The following MAD1L1 variants were observed in gnomAD, a reference collection of about 807,000 sequenced individuals.
The protein encoded by MAD1L1 is mitotic arrest deficient 1 like 1, also known as mitotic spindle assembly checkpoint protein MAD1.
Under a neutral mutation model 96.9 loss-of-function variants are expected in MAD1L1, and 95 were observed. The ratio of observed to expected loss-of-function variants is 0.98; its 90% CI spans 0.83 to 1.16. The LOEUF is 1.16. MAD1L1 is among the 50% of genes most tolerant of loss of function. The pLI is 0.00. For missense variants in MAD1L1, 1,007 were observed against 954.4 expected, an observed-to-expected ratio of 1.06 and a Z score of -0.73; for synonymous variants, 473 against 396.6, an observed-to-expected ratio of 1.19 and a Z score of -2.29.
chr7:2,171,990 A>G (rs1196546245), intron 10 of MAD1L1, among the ~76,000 whole-genome samples: 1 of 152,082 alleles, frequency 6.6e-6, no homozygotes, highest in Admixed American at 6.5e-5. Flanking sequence ...AGCACACGGC[A>G]ATGCAACACT....
chr7:1,846,567 C>T (rs1263844731), intron 18 of MAD1L1: 5 of 154,584 alleles, frequency 3.2e-5, no homozygotes, highest in Admixed American at 6.3e-5. Flanking sequence ...GGTTACTGCC[C>T]GGCCCTGGGA....
intron 11 of MAD1L1, among the ~76,000 whole-genome samples, chr7:2,145,912 G>T (rs995406861): frequency 8.5e-5 from 13 of 152,216 alleles, no homozygotes; most frequent in African/African-American, 2.9e-4. Context: ...CTGGCTTCAC[G>T]GACGTGGACA....
chr7:1,867,655 G>T (rs1230744359), intron 18 of MAD1L1, among the ~76,000 whole-genome samples: 1 of 152,208 alleles, frequency 6.6e-6, no homozygotes, highest in African/African-American at 2.4e-5. Flanking sequence ...CTGCGCCTGA[G>T]GCCTCCTGCA....
chr7:2,191,386 T>C (rs1352949576), intron 10 of MAD1L1, among the ~76,000 whole-genome samples: 1 of 152,214 alleles, frequency 6.6e-6, no homozygotes, highest in Admixed American at 6.5e-5. Flanking sequence ...AAATTTCTTG[T>C]TTATTTCACC....
rs138094350 is a variant in MAD1L1 at position 2,034,152 on chromosome 7, G to C, written c.1219-19510C>G. Among the ~76,000 whole-genome samples, 8 of 151,716 alleles carry C rather than the reference G, an allele frequency of 5.3e-5. No individual in the cohort carries two copies. In the South Asian group the frequency reaches 1.5e-3, roughly 28 times the overall value. Reference sequence around the variant, plus strand: ...ATATGGGGAAAGCACTGAGTCCAAGGATGTTGCACACATTAGCAATAATCA... The same window carrying C: ...ATATGGGGAAAGCACTGAGTCCAAGCATGTTGCACACATTAGCAATAATCA... On this transcript the variant is annotated intron_variant, in intron 12 of 18. Coordinates refer to ENST00000265854, the MANE Select transcript of MAD1L1 (RefSeq NM_001013836.2).
intron 17 of MAD1L1, among the ~76,000 whole-genome samples, chr7:1,900,115 C>T (rs1009371342): frequency 2.6e-5 from 4 of 152,186 alleles, no homozygotes; most frequent in African/African-American, 9.6e-5. Context: ...TGAGCTCAGT[C>T]GAGCAGCCCG....
At chr7:2,033,834 G>T (rs908128124) in intron 12 of MAD1L1, among the ~76,000 whole-genome samples, 2 of 152,230 alleles carry the variant, frequency 1.3e-5, no homozygotes, top group Admixed American at 6.5e-5. Context: ...TCAGACTGCG[G>T]TGGCTCACAC....
intron 11 of MAD1L1, among the ~76,000 whole-genome samples, chr7:2,127,777 T>C (rs1214517485): frequency 6.6e-6 from 1 of 152,052 alleles, no homozygotes; most frequent in East Asian, 1.9e-4. Context: ...CAGCCGGCAC[T>C]GTGGGCGTCA....
rs545776022 is a variant in MAD1L1 at position 2,009,128 on chromosome 7, G to A, written c.1359+5374C>T. 4.3e-4 allele frequency among the ~76,000 whole-genome samples: 66 copies of A among 152,318 alleles called. 1 individual carries two copies. Among genetic ancestry groups the A allele is most frequent in the African/African-American group, 1.6e-3 (66 of 41,570 alleles). On this transcript the variant is annotated intron_variant, in intron 13 of 18. Transcript: ENST00000265854. ...TTCCGGGTGGGACCACGTGTCCCGG[G>A]TGGCTACGTGTGCTGAGACACGAGC...
chr7:2,060,215 T>G (rs28626060), intron 12 of MAD1L1, among the ~76,000 whole-genome samples: 1 of 55,722 alleles, frequency 1.8e-5, no homozygotes, highest in African/African-American at 6.0e-5. Flanking sequence ...AGATGCCAAG[T>G]TACGCCGATG....
At chr7:1,945,478 C>T (rs552543105) in intron 16 of MAD1L1, among the ~76,000 whole-genome samples, 1 of 152,322 alleles carries the variant, frequency 6.6e-6, no homozygotes, top group African/African-American at 2.4e-5. Context: ...GGCTTGGAAC[C>T]CTTCTCCAAG....
At chr7:2,001,256 G>A (rs1357635479) in intron 14 of MAD1L1, among the ~76,000 whole-genome samples, 4 of 152,280 alleles carry the variant, frequency 2.6e-5, no homozygotes, top group African/African-American at 4.8e-5. Flanking sequence ...CCAGCCTGAC[G>A]CATGGCCCAG....
At chr7:2,153,122 C>T (rs903313372) in intron 10 of MAD1L1, among the ~76,000 whole-genome samples, 22 of 152,216 alleles carry the variant, frequency 1.4e-4, no homozygotes, top group African/African-American at 5.3e-4. Flanking sequence ...GGACATTGGT[C>T]TAGGCAAAGA....
intron 10 of MAD1L1, among the ~76,000 whole-genome samples, chr7:2,203,864 C>T (rs1415490906): frequency 6.6e-6 from 1 of 152,218 alleles, no homozygotes. Context: ...TGCTGCCCAC[C>T]TCCGGGGCAA....
At chr7:1,885,845 C>T (rs564611250) in intron 18 of MAD1L1, among the ~76,000 whole-genome samples, 15 of 152,350 alleles carry the variant, frequency 9.8e-5, no homozygotes, top group Non-Finnish European at 2.1e-4. Flanking sequence ...GGGCCCACTC[C>T]TCAGGAAAGG....
chr7:2,147,826 C>A (rs1011521309), intron 11 of MAD1L1, among the ~76,000 whole-genome samples: 1 of 152,236 alleles, frequency 6.6e-6, no homozygotes. Context: ...CATGCAGATG[C>A]GAATGTTCCC....
intron 18 of MAD1L1, among the ~76,000 whole-genome samples, chr7:1,894,527 G>T (rs780368342): frequency 2.6e-5 from 4 of 152,194 alleles, no homozygotes; most frequent in East Asian, 3.8e-4. Context: ...TGCAGCCTCC[G>T]AAGTGAGCCA....
At chr7:1,916,510 A>T (rs1459619164) in intron 17 of MAD1L1, among the ~76,000 whole-genome samples, 4 of 152,074 alleles carry the variant, frequency 2.6e-5, no homozygotes, top group Non-Finnish European at 5.9e-5. Flanking sequence ...AGCAAGTCAC[A>T]CGCCAGAGCA....
At chr7:2,216,654 C>T (rs143419848) in intron 7 of MAD1L1, among the ~76,000 whole-genome samples, 1 of 152,318 alleles carries the variant, frequency 6.6e-6, no homozygotes, top group African/African-American at 2.4e-5. Context: ...ATCACCGTCA[C>T]ACGTGCTCCA....
Sources: allele counts gnomAD v4.1 joint callset (sites outside exome capture counted in the v4.1 genomes callset), GRCh38; gene constraint gnomAD v4.1.1; transcripts MANE v1.5; gene names NCBI Gene and HGNC (gene_info 2026-07-23, HGNC 2026-07-21).